Variants in RAD52 observed in about 807,000 individuals in gnomAD.
The protein encoded by RAD52 is DNA repair protein RAD52 homolog.
A neutral mutation model predicts 55.5 loss-of-function variants in RAD52; 47 were observed. The observed-to-expected ratio is 0.85, with a 90% CI of 0.67 to 1.08. The LOEUF (loss-of-function observed/expected upper bound fraction) is 1.08, where lower values mean the gene tolerates loss of function less well. RAD52 is among the 50% of genes least tolerant of loss of function. RAD52 has a pLI of 0.00. For missense variants in RAD52, 468 were observed against 522.8 expected (o/e 0.90, Z 1.02); for synonymous variants, 184 against 198.9 (o/e 0.92, Z 0.63).
chr12:958,113 C>G (rs540032559), intron 1 of RAD52, among the ~76,000 whole-genome samples: 1 of 152,204 alleles, frequency 6.6e-6, no homozygotes, highest in East Asian at 1.9e-4. Context: ...ACATGGGGCT[C>G]CTCTCCATGT....
chr12:990,778 G>A (rs78547938), upstream of RAD52: 2 of 152,156 alleles, frequency 1.3e-5, no homozygotes, highest in Non-Finnish European at 2.9e-5. Context: ...AACGGGCCAC[G>A]AGAAGTAGGG....
intron 1 of RAD52, among the ~76,000 whole-genome samples, chr12:967,667 C>T (rs1231108774): frequency 1.3e-5 from 2 of 151,982 alleles, no homozygotes; most frequent in Non-Finnish European, 2.9e-5. Context: ...TTCAGTGGCG[C>T]GACCAAAGTT....
At chr12:943,366 G>A (rs745625907) in intron 1 of RAD52, among the ~76,000 whole-genome samples, 38 of 152,260 alleles carry the variant, frequency 2.5e-4, no homozygotes, top group Non-Finnish European at 4.0e-4. Flanking sequence ...TTTTTGAGAC[G>A]AAGTCTTGTT....
At chr12:968,032 G>T (rs149951793) in intron 1 of RAD52, among the ~76,000 whole-genome samples, 2 of 152,190 alleles carry the variant, frequency 1.3e-5, no homozygotes, top group African/African-American at 4.8e-5. Context: ...ACTATTTTAT[G>T]CCTTTCCCAT....
intron 7 of RAD52, among the ~76,000 whole-genome samples, chr12:917,628 A>G (rs1956469399): frequency 6.6e-6 from 1 of 151,876 alleles, no homozygotes; most frequent in South Asian, 2.1e-4. Context: ...CATGCCTGTA[A>G]TCCCAGCACT....
chr12:990,671 A>G (rs1291517029), upstream of RAD52: 2 of 152,172 alleles, frequency 1.3e-5, no homozygotes, highest in South Asian at 2.1e-4. Flanking sequence ...CCACGAAGCT[A>G]AGGGGCAAAA....
At chr12:947,587 C>CA (rs1231005600) in intron 1 of RAD52, among the ~76,000 whole-genome samples, 9 of 146,414 alleles carry the variant, frequency 6.1e-5, no homozygotes, top group Admixed American at 5.6e-4. Context: ...AACAGACAAA[C>CA]AAAAAAACAA....
At position 914,457 on chromosome 12, in the gene RAD52, AG is replaced by A. The variant is rs2154107675; in HGVS notation, c.940del (p.Ala315GlnfsTer3). The A allele has an allele frequency of 6.2e-7, 1 of 1,613,972 alleles. No individual in the cohort carries two copies. Among genetic ancestry groups the A allele is most frequent in the Admixed American group, 1.7e-5 (1 of 59,974 alleles). On this transcript the variant is annotated frameshift_variant, in exon 10 of 12. Coordinates refer to ENST00000358495, the MANE Select transcript of RAD52 (RefSeq NM_134424.4). LOFTEE classifies it high-confidence loss of function. ...GATTAATTCTTGAGTCACTCCTGCA[AG>A]GAAGTCTTTCTCCAGGAGTGGTTCT... ...VSEPLLEKDF[L>X]AGVTQELIKT...
chr12:928,658 G>C (rs1257377699), intron 5 of RAD52, among the ~76,000 whole-genome samples: 1 of 151,636 alleles, frequency 6.6e-6, no homozygotes, highest in African/African-American at 2.4e-5. Flanking sequence ...TATTTTTGTG[G>C]CAAGATTTCA....
At chr12:928,234 G>A (rs955338374) in intron 5 of RAD52, among the ~76,000 whole-genome samples, 17 of 152,210 alleles carry the variant, frequency 1.1e-4, no homozygotes, top group East Asian at 3.9e-4. Context: ...TAAGTAGGCC[G>A]GGTGCGGTGG....
intron 1 of RAD52, among the ~76,000 whole-genome samples, chr12:936,258 C>T (rs1202273313): frequency 6.6e-6 from 1 of 151,774 alleles, no homozygotes; most frequent in East Asian, 1.9e-4. Context: ...GAGCCGAGAC[C>T]ACACCACTGC....
At chr12:918,382 T>A (rs1956523525) in intron 7 of RAD52, among the ~76,000 whole-genome samples, 1 of 152,000 alleles carries the variant, frequency 6.6e-6, no homozygotes. Flanking sequence ...AAAAACAAAT[T>A]GGTGGCTTTC....
At chr12:967,808 C>T (rs1435337302) in intron 1 of RAD52, among the ~76,000 whole-genome samples, 2 of 151,658 alleles carry the variant, frequency 1.3e-5, no homozygotes, top group Admixed American at 6.6e-5. Context: ...TGGTGGTACA[C>T]GTCTGTAGTC....
intron 5 of RAD52, 38 bp from the exon 6 acceptor site, chr12:927,301 G>A (rs761147043): frequency 6.8e-7 from 1 of 1,470,532 alleles, no homozygotes; most frequent in East Asian, 2.3e-5. Context: ...AAACACGAGA[G>A]CGGCAGGCGT....
At chr12:984,579 T>G (rs1172197116) in intron 1 of RAD52, among the ~76,000 whole-genome samples, 1 of 152,140 alleles carries the variant, frequency 6.6e-6, no homozygotes, top group Non-Finnish European at 1.5e-5. Flanking sequence ...GATTGGCTTA[T>G]TTTACTTAGT....
intron 1 of RAD52, among the ~76,000 whole-genome samples, chr12:973,216 C>T (rs958199391): frequency 1.3e-5 from 2 of 150,430 alleles, no homozygotes; most frequent in African/African-American, 2.4e-5. Context: ...ACTACAGGCG[C>T]CCGCCACCAC....
At chr12:923,462 A>G (rs1474704987) in intron 7 of RAD52, among the ~76,000 whole-genome samples, 3 of 152,082 alleles carry the variant, frequency 2.0e-5, no homozygotes, top group Admixed American at 2.0e-4. Context: ...AGGCAGGAGG[A>G]TCCAGGAGGA....
intron 1 of RAD52, among the ~76,000 whole-genome samples, chr12:957,287 G>C (rs529120903): frequency 6.6e-6 from 1 of 151,428 alleles, no homozygotes; most frequent in Non-Finnish European, 1.5e-5. Context: ...GTGAAACCCC[G>C]TCTCTACTAA....
At chr12:916,199 A>C (rs374532998) in intron 9 of RAD52, 145 bp downstream of exon 9, 1 of 1,426,728 alleles carries the variant, frequency 7.0e-7, no homozygotes, top group African/African-American at 1.4e-5. Context: ...TCCTGGGCTC[A>C]TCTCTCCTGC....
Sources: gnomAD v4.1 joint callset for allele counts (sites outside exome capture counted in the v4.1 genomes callset) on GRCh38, gnomAD v4.1.1 for gene constraint, MANE v1.5 for transcripts, NCBI Gene and HGNC (gene_info 2026-07-23, HGNC 2026-07-21) for gene names.